Variants in SLX4IP observed in about 807,000 individuals in gnomAD.
SLX4IP encodes the protein protein SLX4IP.
In SLX4IP, 34 loss-of-function variants were observed where a neutral mutation model predicts 32.9. That is an observed-to-expected ratio of 1.03 (90% CI 0.79 to 1.38). SLX4IP has a LOEUF of 1.38. SLX4IP is among the 40% of genes most tolerant of loss of function. The pLI is 0.00. For missense variants in SLX4IP, 444 were observed against 479.0 expected, an observed-to-expected ratio of 0.93 and a Z score of 0.68; for synonymous variants, 172 against 171.7, an observed-to-expected ratio of 1.00 and a Z score of -0.01.
chr20:10,606,534 C>T (rs1199860726), intron 6 of SLX4IP, among the ~76,000 whole-genome samples: 1 of 152,178 alleles, frequency 6.6e-6, no homozygotes, highest in East Asian at 1.9e-4. Flanking sequence ...CAAGAGATTC[C>T]TGTAGCACTA....
chr20:10,444,828 C>T (rs1011758234), intron 1 of SLX4IP, among the ~76,000 whole-genome samples: 4 of 152,028 alleles, frequency 2.6e-5, no homozygotes, highest in African/African-American at 7.2e-5. Context: ...TTTCCAAAGT[C>T]CCCACCGTTA....
chr20:10,482,404 T>C (rs1244962060), intron 2 of SLX4IP, among the ~76,000 whole-genome samples: 1 of 152,240 alleles, frequency 6.6e-6, no homozygotes, highest in Non-Finnish European at 1.5e-5. Flanking sequence ...TGAGTGACTT[T>C]ATAGTCTTCC....
rs555310488 is a variant in SLX4IP, at chr20:10,569,175, A to ATT, written c.238+8376_238+8377dup. 2.4e-3 allele frequency among the ~76,000 whole-genome samples: 312 copies of ATT among 129,906 alleles called. 2 individuals are homozygous for ATT. The highest frequency in any genetic ancestry group is 7.4e-3 in the African/African-American group (256 of 34,382). The allele number at this position is 129,906 out of a possible 152,430, so 85.2% of individuals were successfully genotyped here. A position where few individuals can be genotyped will look rare whatever the true frequency, so the allele number is the denominator to read the frequency against. On this transcript the variant is annotated intron_variant, in intron 4 of 7. Coordinates refer to ENST00000334534, the MANE Select transcript of SLX4IP (RefSeq NM_001009608.3). ...TCAGGTCCCTGTGCACCAGATCTAG[A>ATT]TTTTTTTTTTTTTTTTTTTTTTAAT...
chr20:10,461,711 T>C (rs1034224140), intron 2 of SLX4IP, among the ~76,000 whole-genome samples: 2 of 152,228 alleles, frequency 1.3e-5, no homozygotes, highest in Non-Finnish European at 2.9e-5. Flanking sequence ...CCTGAAGTCT[T>C]GTGTGAGTGC....
chr20:10,567,939 C>G (rs1020780039), intron 4 of SLX4IP, among the ~76,000 whole-genome samples: 1 of 152,212 alleles, frequency 6.6e-6, no homozygotes. Flanking sequence ...AAATTTTTAT[C>G]TGTTCATAAC....
intron 1 of SLX4IP, among the ~76,000 whole-genome samples, chr20:10,435,849 A>G (rs749144477): frequency 2.0e-5 from 3 of 152,050 alleles, no homozygotes; most frequent in African/African-American, 4.8e-5. Flanking sequence ...TATTCATTGC[A>G]TTTCTTGAGT....
At chr20:10,472,752 A>G (rs1473549803) in intron 2 of SLX4IP, among the ~76,000 whole-genome samples, 1 of 152,222 alleles carries the variant, frequency 6.6e-6, no homozygotes, top group Non-Finnish European at 1.5e-5. Flanking sequence ...ATAATTGTCC[A>G]TCTTAGCACA....
chr20:10,529,590 CAAAAAAA>C (rs71334410), intron 2 of SLX4IP, among the ~76,000 whole-genome samples: 11 of 53,644 alleles, frequency 2.1e-4, no homozygotes, highest in South Asian at 2.2e-3. Context: ...GACTCCATCT[CAAAAAAA>C]AAAAAAAAAA....
intron 1 of SLX4IP, among the ~76,000 whole-genome samples, chr20:10,446,360 C>T (rs1041228941): frequency 5.8e-4 from 85 of 147,540 alleles, no homozygotes; most frequent in African/African-American, 1.9e-3. Context: ...TGCAGTGAGC[C>T]GAAATTGGGC....
chr20:10,507,273 T>C (rs1344078670), intron 2 of SLX4IP, among the ~76,000 whole-genome samples: 1 of 152,116 alleles, frequency 6.6e-6, no homozygotes, highest in Non-Finnish European at 1.5e-5. Context: ...GAACCCGTCA[T>C]GTGTAGAGTT....
intron 1 of SLX4IP, among the ~76,000 whole-genome samples, chr20:10,436,253 TGACTCTCACCCCA>T (rs147295614): frequency 0.011 from 1,643 of 152,314 alleles, 26 homozygotes; most frequent in African/African-American, 0.036. Context: ...TTACACTTCA[TGACTCTCACCCCA>T]GAGCTGCTGA....
Position 10,500,229 on chromosome 20 carries a change from C to G in SLX4IP, c.27+41998C>G, listed in dbSNP as rs149281152. Among the ~76,000 whole-genome samples the G allele has an allele frequency of 3.0e-3, 392 of 129,008 alleles. 1 individual carries two copies. The highest frequency in any genetic ancestry group is 0.011 in the African/African-American group (372 of 34,090). The allele number at this position is 129,008 out of a possible 152,430, so 84.6% of individuals were successfully genotyped here. ...AGCTCACTGCAACCTCTGAATTGTT[C>G]AAGCAATTCTCTTGCCTCAGCCTCC... On this transcript the variant is annotated intron_variant, in intron 2 of 7. Coordinates refer to ENST00000334534, the MANE Select transcript of SLX4IP (RefSeq NM_001009608.3).
intron 4 of SLX4IP, among the ~76,000 whole-genome samples, chr20:10,581,696 A>G (rs1406000963): frequency 6.6e-6 from 1 of 152,160 alleles, no homozygotes. Flanking sequence ...CAGGAAGATC[A>G]TTTGAGAGCA....
At chr20:10,494,821 T>A (rs990418128) in intron 2 of SLX4IP, among the ~76,000 whole-genome samples, 17 of 152,132 alleles carry the variant, frequency 1.1e-4, no homozygotes, top group African/African-American at 3.6e-4. Context: ...CCTTCTTCTG[T>A]CTTAGAAAGT....
At chr20:10,618,948 C>T (rs376112129) in intron 6 of SLX4IP, among the ~76,000 whole-genome samples, 3,080 of 87,700 alleles carry the variant, frequency 0.035, 43 homozygotes, top group Non-Finnish European at 0.046. Flanking sequence ...GTTGGGGGGG[C>T]GGGGGAGGGG....
chr20:10,559,212 CTG>C (rs1182251879), intron 3 of SLX4IP, among the ~76,000 whole-genome samples: 1 of 151,980 alleles, frequency 6.6e-6, no homozygotes, highest in Non-Finnish European at 1.5e-5. Flanking sequence ...AGGGATATCT[CTG>C]TATTCCATGA....
At chr20:10,438,472 G>GTTTTTT (rs35297842) in intron 1 of SLX4IP, among the ~76,000 whole-genome samples, 34 of 98,862 alleles carry the variant, frequency 3.4e-4, no homozygotes, top group Non-Finnish European at 5.1e-4. Flanking sequence ...AGGTGTGTGT[G>GTTTTTT]TTTTTTTTTT....
intron 2 of SLX4IP, among the ~76,000 whole-genome samples, chr20:10,531,889 T>C (rs187642323): frequency 6.6e-6 from 1 of 152,320 alleles, no homozygotes; most frequent in African/African-American, 2.4e-5. Context: ...AGTTTTACAG[T>C]CTTTTCCCTG....
intron 3 of SLX4IP, among the ~76,000 whole-genome samples, chr20:10,559,694 T>C (rs956714827): frequency 6.6e-6 from 1 of 152,212 alleles, no homozygotes; most frequent in Admixed American, 6.5e-5. Context: ...TTTGTTTACC[T>C]TTATTATAAA....
Sources: gnomAD v4.1 joint callset for allele counts (sites outside exome capture counted in the v4.1 genomes callset) on GRCh38, gnomAD v4.1.1 for gene constraint, MANE v1.5 for transcripts, NCBI Gene and HGNC (gene_info 2026-07-23, HGNC 2026-07-21) for gene names.